MSRB3: variants seen among roughly 807,000 people sequenced by gnomAD.
The protein encoded by MSRB3 is methionine-R-sulfoxide reductase B3.
Under a neutral mutation model 21.0 loss-of-function variants are expected in MSRB3, and 13 were observed. The observed-to-expected ratio is 0.62, with a 90% confidence interval of 0.40 to 0.98. The LOEUF is 0.98. Ranked by LOEUF, MSRB3 falls within the 50% of genes least tolerant of loss-of-function variation. The probability of loss-of-function intolerance (pLI) is 0.00; values close to 1 mark genes in which losing one functional copy is unlikely to be tolerated. For missense variants in MSRB3, 199 were observed against 230.3 expected (o/e 0.86, Z 0.88); for synonymous variants, 87 against 88.6 (o/e 0.98, Z 0.10).
At chr12:65,345,794 A>G (rs1002492246) in intron 4 of MSRB3, among the ~76,000 whole-genome samples, 1 of 151,876 alleles carries the variant, frequency 6.6e-6, no homozygotes, top group Non-Finnish European at 1.5e-5. Context: ...ATGTGTTCTC[A>G]TTGTTCAATT....
chr12:65,419,169 C>A, intron 5 of MSRB3: 1 of 692,124 alleles, frequency 1.4e-6, no homozygotes, highest in Non-Finnish European at 2.6e-6. Context: ...TGGCCAACTG[C>A]ATGGTGACCA....
At chr12:65,353,792 C>T (rs181048957) in intron 4 of MSRB3, among the ~76,000 whole-genome samples, 7 of 152,202 alleles carry the variant, frequency 4.6e-5, no homozygotes, top group Admixed American at 2.6e-4. Flanking sequence ...TGATTTTGCT[C>T]GTTAGTTGAT....
intron 5 of MSRB3, among the ~76,000 whole-genome samples, chr12:65,451,411 T>A (rs771162276): frequency 8.5e-5 from 13 of 152,162 alleles, no homozygotes; most frequent in Non-Finnish European, 1.8e-4. Context: ...GCTCTATTCT[T>A]CAATATAGTT....
chr12:65,353,767 T>C (rs1225449829), intron 4 of MSRB3, among the ~76,000 whole-genome samples: 4 of 152,146 alleles, frequency 2.6e-5, no homozygotes, highest in Admixed American at 2.6e-4. Flanking sequence ...ATCCTGTCAT[T>C]ATGATGTTAG....
At chr12:65,443,174 G>C (rs1221357991) in intron 5 of MSRB3, among the ~76,000 whole-genome samples, 1 of 151,998 alleles carries the variant, frequency 6.6e-6, no homozygotes, top group East Asian at 1.9e-4. Flanking sequence ...GGGCTCAAAG[G>C]AATTAGTAAA....
At position 65,408,383 on chromosome 12, in the gene MSRB3, G is replaced by A. The variant is rs1033405153; in HGVS notation, c.292+39357G>A. Reference sequence around the variant, plus strand: ...GCTGGGATTACAGGCGTGAGCCACCGGCCTTATCTTTTTTGTTGTTGAAAG... The same window carrying A: ...GCTGGGATTACAGGCGTGAGCCACCAGCCTTATCTTTTTTGTTGTTGAAAG... On this transcript the variant is annotated intron_variant, in intron 5 of 6. Coordinates refer to ENST00000308259, the MANE Select transcript of MSRB3 (RefSeq NM_001031679.3). 4.6e-5 allele frequency among the ~76,000 whole-genome samples: 7 copies of A among 152,186 alleles called. No individual in the cohort carries two copies. In the South Asian group the frequency reaches 6.2e-4, roughly 14 times the overall value.
chr12:65,349,240 A>G (rs933442079), intron 4 of MSRB3, among the ~76,000 whole-genome samples: 5 of 152,072 alleles, frequency 3.3e-5, no homozygotes, highest in African/African-American at 1.2e-4. Flanking sequence ...ACATGAACTC[A>G]TCATTTTTTA....
chr12:65,436,044 G>A (rs1045366264), intron 5 of MSRB3, among the ~76,000 whole-genome samples: 1 of 151,828 alleles, frequency 6.6e-6, no homozygotes, highest in Non-Finnish European at 1.5e-5. Context: ...GGAATGAGAA[G>A]TTTCAATATA....
rs143695123 is a variant in MSRB3, at chr12:65,336,871, A to G, written c.263+8268A>G. 3.9e-3 allele frequency among the ~76,000 whole-genome samples: 596 copies of G among 152,358 alleles called. 8 individuals are homozygous for G. Among genetic ancestry groups the G allele is most frequent in the African/African-American group, 0.014 (575 of 41,588 alleles). ...TCTTCAGTGTGTTTTACACGTGGAT[A>G]AAGAACCCATCACATAACATTGTCA... On this transcript the variant is annotated intron_variant, in intron 4 of 6. Transcript: ENST00000308259.
At chr12:65,343,768 A>T (rs1260749527) in intron 4 of MSRB3, among the ~76,000 whole-genome samples, 1 of 152,044 alleles carries the variant, frequency 6.6e-6, no homozygotes, top group Non-Finnish European at 1.5e-5. Flanking sequence ...GCTCAATATT[A>T]TGTTATAATG....
At chr12:65,292,648 T>C (rs867091150) in intron 1 of MSRB3, among the ~76,000 whole-genome samples, 1 of 152,044 alleles carries the variant, frequency 6.6e-6, no homozygotes, top group Admixed American at 6.6e-5. Context: ...TTTAGTTCTG[T>C]CTGTATATAA....
At chr12:65,339,855 C>G (rs999839669) in intron 4 of MSRB3, among the ~76,000 whole-genome samples, 4 of 152,030 alleles carry the variant, frequency 2.6e-5, no homozygotes, top group Admixed American at 6.6e-5. Flanking sequence ...AGCTCAGTCC[C>G]CAAATTGATT....
At chr12:65,329,049 A>T (rs1466858976) in intron 4 of MSRB3, among the ~76,000 whole-genome samples, 2 of 152,250 alleles carry the variant, frequency 1.3e-5, no homozygotes, top group Non-Finnish European at 2.9e-5. Context: ...CCTGTATTGA[A>T]TGTAACATGG....
At chr12:65,317,486 A>G (rs1273643378) in intron 2 of MSRB3, among the ~76,000 whole-genome samples, 1 of 152,120 alleles carries the variant, frequency 6.6e-6, no homozygotes, top group Non-Finnish European at 1.5e-5. Flanking sequence ...AACCCATGTC[A>G]CCTAGATTTG....
intron 4 of MSRB3, among the ~76,000 whole-genome samples, chr12:65,349,133 C>T (rs1332667089): frequency 1.3e-5 from 2 of 152,020 alleles, no homozygotes; most frequent in African/African-American, 4.8e-5. Context: ...TGTTCAATTC[C>T]CACCTATGAG....
intron 6 of MSRB3, among the ~76,000 whole-genome samples, chr12:65,456,332 G>A (rs972238145): frequency 6.6e-6 from 1 of 152,078 alleles, no homozygotes; most frequent in Non-Finnish European, 1.5e-5. Context: ...TTTACTTATG[G>A]CCCTACTTTC....
chr12:65,321,613 G>A (rs755401720), intron 2 of MSRB3, among the ~76,000 whole-genome samples: 4 of 152,082 alleles, frequency 2.6e-5, no homozygotes, highest in Non-Finnish European at 5.9e-5. Flanking sequence ...TTGTAGGTTT[G>A]TCTTATCTTA....
chr12:65,412,143 A>G (rs1400568787), intron 5 of MSRB3, among the ~76,000 whole-genome samples: 2 of 152,100 alleles, frequency 1.3e-5, no homozygotes, highest in Admixed American at 6.5e-5. Flanking sequence ...ATTTCTTTAC[A>G]TGGTTAAGCC....
At chr12:65,438,617 G>A (rs1369415629) in intron 5 of MSRB3, among the ~76,000 whole-genome samples, 1 of 151,820 alleles carries the variant, frequency 6.6e-6, no homozygotes, top group Admixed American at 6.6e-5. Context: ...AAGACAACAG[G>A]ATAACATCTA....
Sources: allele counts gnomAD v4.1 joint callset (sites outside exome capture counted in the v4.1 genomes callset), GRCh38; gene constraint gnomAD v4.1.1; transcripts MANE v1.5; gene names NCBI Gene and HGNC (gene_info 2026-07-23, HGNC 2026-07-21).